CHST9: variants seen among roughly 807,000 people sequenced by gnomAD.
CHST9 encodes the protein GalNAc-4-sulfotransferase 2.
A neutral mutation model predicts 44.4 loss-of-function variants in CHST9; 41 were observed. That is an observed-to-expected ratio of 0.92 (90% CI 0.72 to 1.20). CHST9 has a LOEUF of 1.20. Ranked by LOEUF, CHST9 falls within the 50% of genes most tolerant of loss-of-function variation. The probability of loss-of-function intolerance (pLI) is 0.00; values close to 1 mark genes in which losing one functional copy is unlikely to be tolerated. For missense variants in CHST9, 504 were observed against 516.5 expected (o/e 0.98, Z 0.23); for synonymous variants, 171 against 178.4 (o/e 0.96, Z 0.33).
chr18:26,927,572 T>G (rs961600759), intron 5 of CHST9, among the ~76,000 whole-genome samples: 1 of 152,126 alleles, frequency 6.6e-6, no homozygotes. Context: ...AAAAAGGTGC[T>G]GTGCTTTGAT....
intron 1 of CHST9, among the ~76,000 whole-genome samples, chr18:27,163,361 T>C (rs879880684): frequency 6.6e-6 from 1 of 152,148 alleles, no homozygotes; most frequent in Non-Finnish European, 1.5e-5. Context: ...GACATTTAAG[T>C]CTGCAGAGGA....
At chr18:26,932,262 G>C (rs1247320079) in intron 5 of CHST9, among the ~76,000 whole-genome samples, 3 of 152,122 alleles carry the variant, frequency 2.0e-5, no homozygotes, top group Admixed American at 2.0e-4. Flanking sequence ...TCTCTCCTCA[G>C]GTAGCATAAA....
chr18:27,019,108 T>C (rs1345756254), intron 4 of CHST9, among the ~76,000 whole-genome samples: 4 of 152,206 alleles, frequency 2.6e-5, no homozygotes, highest in Non-Finnish European at 4.4e-5. Context: ...GTGAATACGA[T>C]GTACCTCCCT....
At chr18:27,074,453 TA>T (rs1276469323) in intron 2 of CHST9, among the ~76,000 whole-genome samples, 1 of 152,186 alleles carries the variant, frequency 6.6e-6, no homozygotes, top group Admixed American at 6.5e-5. Context: ...AAAAATAGCC[TA>T]GGGGTAAAAG....
chr18:26,923,987 G>C (rs2055713422), intron 5 of CHST9, among the ~76,000 whole-genome samples: 2 of 152,260 alleles, frequency 1.3e-5, no homozygotes, highest in Admixed American at 1.3e-4. Flanking sequence ...CAGATGACAG[G>C]GAGAGGCAGG....
intron 4 of CHST9, among the ~76,000 whole-genome samples, chr18:26,990,581 C>T (rs1199334367): frequency 6.6e-6 from 1 of 152,148 alleles, no homozygotes; most frequent in Admixed American, 6.5e-5. Flanking sequence ...TAATTAATGG[C>T]CTTAGCATTT....
chr18:27,020,734 C>T (rs1294297522), intron 4 of CHST9, among the ~76,000 whole-genome samples: 1 of 152,036 alleles, frequency 6.6e-6, no homozygotes, highest in East Asian at 1.9e-4. Flanking sequence ...CCTATATTTC[C>T]TTTATTACTG....
intron 2 of CHST9, among the ~76,000 whole-genome samples, chr18:27,122,895 G>A (rs765565924): frequency 1.1e-4 from 17 of 152,158 alleles, no homozygotes; most frequent in Non-Finnish European, 2.2e-4. Context: ...GAAAGGACCA[G>A]CACTGCAGAG....
At chr18:27,032,353 T>A (rs1012446912) in intron 3 of CHST9, among the ~76,000 whole-genome samples, 2 of 152,194 alleles carry the variant, frequency 1.3e-5, no homozygotes, top group East Asian at 1.9e-4. Context: ...TCCTTCTTGA[T>A]CTTTCCTCTA....
chr18:27,145,428 C>T (rs937206825), intron 1 of CHST9, among the ~76,000 whole-genome samples: 1 of 152,234 alleles, frequency 6.6e-6, no homozygotes, highest in African/African-American at 2.4e-5. Flanking sequence ...AGGCGATCCT[C>T]CCGCCTCAGC....
intron 2 of CHST9, 25 bp downstream of exon 2, chr18:27,142,664 A>T (rs1157746583): frequency 2.0e-6 from 3 of 1,527,082 alleles, no homozygotes; most frequent in Non-Finnish European, 2.6e-6. Context: ...TACAATTAAA[A>T]TAGAAGAAAA....
chr18:27,038,286 C>G (rs1483971947), intron 3 of CHST9, among the ~76,000 whole-genome samples: 1 of 152,132 alleles, frequency 6.6e-6, no homozygotes, highest in African/African-American at 2.4e-5. Context: ...TGGCTCATGC[C>G]TGTAATCCCA....
At chr18:27,172,476 T>C (rs2058840658) in intron 1 of CHST9, among the ~76,000 whole-genome samples, 1 of 152,010 alleles carries the variant, frequency 6.6e-6, no homozygotes, top group East Asian at 1.9e-4. Flanking sequence ...AAAGCTGTTA[T>C]ATTATTACCT....
chr18:27,080,811 T>C (rs1199441392), intron 2 of CHST9, among the ~76,000 whole-genome samples: 1 of 152,200 alleles, frequency 6.6e-6, no homozygotes, highest in Non-Finnish European at 1.5e-5. Flanking sequence ...CAAATGGTCA[T>C]GTCTTTAACA....
chr18:26,975,725 GTATATATATATA>G (rs59671204), intron 4 of CHST9, among the ~76,000 whole-genome samples: 18,958 of 101,778 alleles, frequency 0.19, 1,835 homozygotes, highest in East Asian at 0.3. Flanking sequence ...GTGTGTGTGT[GTATATATATATA>G]TATATATATA....
intron 2 of CHST9, among the ~76,000 whole-genome samples, chr18:27,092,601 C>G (rs1289901846): frequency 6.6e-6 from 1 of 152,188 alleles, no homozygotes; most frequent in African/African-American, 2.4e-5. Flanking sequence ...AAATTTCCCT[C>G]TACACACTGC....
chr18:27,166,331 G>A (rs762050449), intron 1 of CHST9, among the ~76,000 whole-genome samples: 3 of 152,030 alleles, frequency 2.0e-5, no homozygotes, highest in East Asian at 1.9e-4. Flanking sequence ...TGACCACCTC[G>A]TTAATTTTAT....
intron 1 of CHST9, among the ~76,000 whole-genome samples, chr18:27,180,167 T>C (rs575634105): frequency 8.5e-5 from 13 of 152,278 alleles, no homozygotes; most frequent in African/African-American, 2.9e-4. Flanking sequence ...TCTACCCTCA[T>C]TCTTTCACTT....
rs1469116786 is a variant in CHST9 at position 26,913,891 on chromosome 18, C to A, written c.*2368G>T. ...TGATGACTGGCTTCTTTGGTCCTAA[C>A]ATGAAAATAAGCCATCTAAAATGAA... On this transcript the variant is annotated 3_prime_UTR_variant, in exon 6 of 6. Coordinates refer to ENST00000618847, the MANE Select transcript of CHST9 (RefSeq NM_031422.6). The A allele has an allele frequency of 6.6e-6, 1 of 152,112 alleles. No individual in the cohort carries two copies. The highest frequency in any genetic ancestry group is 2.4e-5 in the African/African-American group (1 of 41,424). 9.4% of individuals were successfully genotyped at this position (152,112 alleles called of 1,614,324 possible). A position where few individuals can be genotyped will look rare whatever the true frequency, so the allele number is the denominator to read the frequency against.
Sources: gnomAD v4.1 joint callset for allele counts (sites outside exome capture counted in the v4.1 genomes callset) on GRCh38, gnomAD v4.1.1 for gene constraint, MANE v1.5 for transcripts, NCBI Gene and HGNC (gene_info 2026-07-23, HGNC 2026-07-21) for gene names.